FNDC3A: variants seen among roughly 807,000 people sequenced by gnomAD.
FNDC3A encodes fibronectin type III domain containing 3A.
FNDC3A carries 32 observed loss-of-function variants against 148.9 expected under a neutral mutation model. That is an observed-to-expected ratio of 0.21 (90% CI 0.16 to 0.29). The LOEUF (loss-of-function observed/expected upper bound fraction) is 0.29, where lower values mean the gene tolerates loss of function less well. Ranked by LOEUF, FNDC3A falls within the 10% of genes least tolerant of loss-of-function variation. The pLI, the probability that FNDC3A is intolerant of heterozygous loss-of-function variation, is 1.00. For missense variants in FNDC3A, 1,191 were observed against 1,452.8 expected (o/e 0.82, Z 2.93); for synonymous variants, 472 against 473.6 (o/e 1.00, Z 0.04).
At chr13:49,143,603 A>G (rs191775749) in intron 7 of FNDC3A, among the ~76,000 whole-genome samples, 4 of 152,254 alleles carry the variant, frequency 2.6e-5, no homozygotes, top group Admixed American at 1.3e-4. Flanking sequence ...ATTCCATACT[A>G]TCTTCCCAAC....
intron 2 of FNDC3A, among the ~76,000 whole-genome samples, chr13:49,029,084 C>T (rs1482047647): frequency 5.3e-5 from 8 of 152,116 alleles, no homozygotes; most frequent in Non-Finnish European, 8.8e-5. Context: ...AGTGGTCCTC[C>T]CACCTTAACC....
Position 49,138,803 on chromosome 13 carries a change from G to T in FNDC3A, c.817G>T (p.Val273Leu). Residue 273 changes from valine to leucine, a missense_variant and splice_region_variant, in exon 7 of 26, where the codon GTG (valine) becomes TTG (leucine). Around this residue, in one of 3 missense-constraint regions of FNDC3A, gnomAD observed 426 missense variants for 473.2 expected, o/e 0.90. Coordinates refer to ENST00000492622, the MANE Select transcript of FNDC3A (RefSeq NM_001079673.2). ...EALLSNIVKP[V>L]ASDIQARTVV... The stretch of plus-strand genomic sequence containing the variant: ...ACTTCTTTCCAACATTGTCAAACCA[G>T]TGGTAAGTATCTTATGTATTTTATT... The T allele has an allele frequency of 2.7e-6, 4 of 1,464,818 alleles. No individual in the cohort carries two copies. Among genetic ancestry groups the T allele is most frequent in the Non-Finnish European group, 3.8e-6 (4 of 1,062,038 alleles). 90.7% of individuals were successfully genotyped at this position (1,464,818 alleles called of 1,614,324 possible).
chr13:49,109,261 C>T (rs1468017262), intron 3 of FNDC3A, among the ~76,000 whole-genome samples: 1 of 152,126 alleles, frequency 6.6e-6, no homozygotes. Flanking sequence ...TATCATCAAC[C>T]AATATACTTG....
chr13:48,999,674 G>T (rs1346544770), intron 1 of FNDC3A, among the ~76,000 whole-genome samples: 1 of 152,182 alleles, frequency 6.6e-6, no homozygotes. Flanking sequence ...CCCCCAAAAT[G>T]ATAGTATTAA....
At chr13:49,059,327 G>T (rs1876485899) in intron 2 of FNDC3A, among the ~76,000 whole-genome samples, 1 of 152,148 alleles carries the variant, frequency 6.6e-6, no homozygotes, top group South Asian at 2.1e-4. Context: ...TCTTAAATAT[G>T]ACACTGAAAA....
chr13:49,099,229 G>C (rs371305961), intron 3 of FNDC3A, among the ~76,000 whole-genome samples: 1 of 152,088 alleles, frequency 6.6e-6, no homozygotes, highest in Admixed American at 6.6e-5. Flanking sequence ...TGAATTTCCA[G>C]CTTCCACCTT....
chr13:49,085,876 CTTTT>C (rs111913275), intron 3 of FNDC3A, among the ~76,000 whole-genome samples: 1 of 134,606 alleles, frequency 7.4e-6, no homozygotes. Context: ...CCCATCCATC[CTTTT>C]TTTTTTTTTT....
At chr13:49,196,794 G>A (rs954795652) in intron 19 of FNDC3A, 83 bp from the exon 20 acceptor site, 3 of 636,288 alleles carry the variant, frequency 4.7e-6, no homozygotes, top group East Asian at 5.7e-5. Flanking sequence ...CTTTATTAAT[G>A]AATCTTTAAA....
chr13:49,029,007 T>G (rs1873926280), intron 2 of FNDC3A, among the ~76,000 whole-genome samples: 1 of 152,150 alleles, frequency 6.6e-6, no homozygotes, highest in African/African-American at 2.4e-5. Flanking sequence ...AAGGTTTTAC[T>G]TTGTCACCCA....
At chr13:49,143,274 A>G (rs1344058556) in intron 7 of FNDC3A, among the ~76,000 whole-genome samples, 1 of 152,188 alleles carries the variant, frequency 6.6e-6, no homozygotes, top group African/African-American at 2.4e-5. Flanking sequence ...CTCTAATCCC[A>G]ATACTTTAGG....
intron 2 of FNDC3A, among the ~76,000 whole-genome samples, chr13:49,033,864 C>G (rs1390080095): frequency 6.6e-6 from 1 of 151,814 alleles, no homozygotes; most frequent in Non-Finnish European, 1.5e-5. Flanking sequence ...AAACTTAAAA[C>G]TATTAACCTT....
chr13:49,118,162 A>G (rs1477331662), intron 4 of FNDC3A, among the ~76,000 whole-genome samples: 1 of 152,178 alleles, frequency 6.6e-6, no homozygotes, highest in Admixed American at 6.5e-5. Flanking sequence ...AGTTTCCAGT[A>G]TGTAAGACTT....
At chr13:49,046,352 G>T in intron 2 of FNDC3A, 1 of 178,180 alleles carries the variant, frequency 5.6e-6, no homozygotes. Context: ...AATCTTTTTG[G>T]AAGTCTGTTA....
chr13:49,071,869 G>A (rs187060790), intron 2 of FNDC3A, among the ~76,000 whole-genome samples: 2 of 152,030 alleles, frequency 1.3e-5, no homozygotes, highest in Non-Finnish European at 2.9e-5. Context: ...TTAAGATAGG[G>A]TCTCACTATG....
intron 2 of FNDC3A, among the ~76,000 whole-genome samples, chr13:49,035,365 A>C (rs1243604864): frequency 6.6e-6 from 1 of 152,044 alleles, no homozygotes; most frequent in South Asian, 2.1e-4. Flanking sequence ...AAATGTGTAT[A>C]TGTGGGATAA....
At chr13:49,126,214 T>C (rs1031630500) in intron 4 of FNDC3A, among the ~76,000 whole-genome samples, 1 of 152,092 alleles carries the variant, frequency 6.6e-6, no homozygotes, top group Non-Finnish European at 1.5e-5. Context: ...TTGGTTCTTG[T>C]CTGGCTTTTT....
chr13:49,056,186 CA>C (rs71076063), intron 2 of FNDC3A, among the ~76,000 whole-genome samples: 2,634 of 131,290 alleles, frequency 0.02, 63 homozygotes, highest in African/African-American at 0.055. Flanking sequence ...GACCCTGCCT[CA>C]AAAAAAAAAA....
At chr13:48,985,455 T>C (rs1025606976) in intron 1 of FNDC3A, among the ~76,000 whole-genome samples, 1 of 152,138 alleles carries the variant, frequency 6.6e-6, no homozygotes, top group Admixed American at 6.5e-5. Context: ...GATTATTCCA[T>C]GCAGAGGAGA....
At chr13:49,202,092 G>A (rs1255750722) in intron 24 of FNDC3A, 126 bp downstream of exon 24, 4 of 543,272 alleles carry the variant, frequency 7.4e-6, no homozygotes, top group African/African-American at 2.0e-5. Context: ...ATACAAAATC[G>A]TATAGGCAAG....
Sources: gnomAD v4.1 joint callset for allele counts (sites outside exome capture counted in the v4.1 genomes callset) on GRCh38, gnomAD v4.1.1 for gene constraint, gnomAD v4.1.1 regional missense constraint, MANE v1.5 for transcripts, NCBI Gene and HGNC (gene_info 2026-07-23, HGNC 2026-07-21) for gene names.